C5orf58: variants seen among roughly 807,000 people sequenced by gnomAD.
C5orf58 encodes the protein chromosome 5 open reading frame 58, also known as putative uncharacterized protein C5orf58.
In C5orf58, 2 loss-of-function variants were observed where a neutral mutation model predicts 2.9. The ratio of observed to expected loss-of-function variants is 0.69; its 90% CI spans 0.28 to 2.18. C5orf58 has a LOEUF of 2.18. C5orf58 is among the 30% of genes most tolerant of loss of function. The pLI, the probability that C5orf58 is intolerant of heterozygous loss-of-function variation, is 0.13. For missense variants in C5orf58, 96 were observed against 91.7 expected (o/e 1.05, Z -0.19); for synonymous variants, 37 against 33.4 (o/e 1.11, Z -0.37).
At chr5:170,236,123 G>T (rs1346947780) in intron 3 of C5orf58, among the ~76,000 whole-genome samples, 1 of 152,092 alleles carries the variant, frequency 6.6e-6, no homozygotes, top group Non-Finnish European at 1.5e-5. Flanking sequence ...CAGCTAAGGG[G>T]ACTGGGACTG....
chr5:170,246,260 T>C (rs566719760), downstream of C5orf58: 197 of 674,174 alleles, frequency 2.9e-4, 2 homozygotes, highest in South Asian at 4.8e-3. Flanking sequence ...TGTTTAATGT[T>C]TTGAAGAATG....
chr5:170,249,018 C>T (rs1761364189), downstream of C5orf58, among the ~76,000 whole-genome samples: 1 of 152,068 alleles, frequency 6.6e-6, no homozygotes, highest in Non-Finnish European at 1.5e-5. Context: ...ATCCAACAAA[C>T]CATAGATAAA....
chr5:170,244,868 G>A (rs1761187662), intron 3 of C5orf58, among the ~76,000 whole-genome samples: 1 of 152,020 alleles, frequency 6.6e-6, no homozygotes, highest in Non-Finnish European at 1.5e-5. Context: ...GCGTTTTAGA[G>A]TTTCCAGTTT....
intron 3 of C5orf58, among the ~76,000 whole-genome samples, chr5:170,236,268 T>C (rs890743821): frequency 6.6e-6 from 1 of 152,132 alleles, no homozygotes; most frequent in Non-Finnish European, 1.5e-5. Flanking sequence ...GTGCCTAATA[T>C]GCTTTTTCCA....
chr5:170,249,172 A>C (rs1761368011), downstream of C5orf58, among the ~76,000 whole-genome samples: 1 of 151,928 alleles, frequency 6.6e-6, no homozygotes, highest in African/African-American at 2.4e-5. Flanking sequence ...AAAATAGAAA[A>C]ATATTAGCTG....
chr5:170,238,745 A>G (rs953436303), intron 3 of C5orf58, among the ~76,000 whole-genome samples: 4 of 152,342 alleles, frequency 2.6e-5, no homozygotes, highest in East Asian at 3.9e-4. Context: ...ACTGGAACCT[A>G]GAAGACAATG....
exon 3 of C5orf58, chr5:170,251,669 T>G (rs1761446464): frequency 2.2e-6 from 1 of 455,962 alleles, no homozygotes; most frequent in Non-Finnish European, 4.4e-6. Context: ...TGTCAGAACA[T>G]CTCTGCTAAA....
downstream of C5orf58, chr5:170,248,718 C>T (rs376953561): frequency 5.8e-5 from 93 of 1,611,396 alleles, no homozygotes; most frequent in Non-Finnish European, 6.8e-5. Flanking sequence ...CTGCAGCATG[C>T]GTTAATGTGC....
chr5:170,240,786 C>A (rs2113108943), intron 3 of C5orf58, among the ~76,000 whole-genome samples: 1 of 150,302 alleles, frequency 6.7e-6, no homozygotes, highest in Admixed American at 6.6e-5. Flanking sequence ...TTAATTAGAT[C>A]CCATTTGTCA....
chr5:170,238,387 G>T lies in C5orf58; in HGVS notation c.94+3317G>T, dbSNP rs112526017. Among the ~76,000 whole-genome samples the T allele has an allele frequency of 5.5e-3, 831 of 152,288 alleles. 9 individuals are homozygous for T. The highest frequency in any genetic ancestry group is 0.019 in the African/African-American group (784 of 41,582). On this transcript the variant is annotated intron_variant, in intron 3 of 3. Transcript: ENST00000593851. ...CGATAGAAGGGTTGAAAGGTAAAAT[G>T]AAGAAATTCCTCTAGAGTGTAAACA... is the stretch of plus-strand genomic sequence containing the variant.
At chr5:170,242,879 A>G (rs1201417604) in intron 3 of C5orf58, among the ~76,000 whole-genome samples, 6 of 146,888 alleles carry the variant, frequency 4.1e-5, no homozygotes, top group East Asian at 4.1e-4. Flanking sequence ...TAGGGTGTCA[A>G]TTTTGGATCT....
Position 170,235,057 on chromosome 5 carries a change from G to A in C5orf58, c.81G>A (p.Leu27=), listed in dbSNP as rs1457836923. Reference sequence around the variant, plus strand: ...ATATTAACACAATTTCTTCGGAGTTGAAGAAGATAAAAGGTAAGTATTGAA... The same window carrying A: ...ATATTAACACAATTTCTTCGGAGTTAAAGAAGATAAAAGGTAAGTATTGAA... The part of the protein sequence containing the change: ...IKNINTISSE[L]KKIKELSQLL... Residue 27 remains leucine, a synonymous_variant, in exon 3 of 4, where the codon TTG becomes TTA. Transcript: ENST00000593851. 1 of 1,476,708 alleles carries A rather than the reference G, an allele frequency of 6.8e-7. No individual in the cohort carries two copies. The highest frequency in any genetic ancestry group is 9.3e-7 in the Non-Finnish European group (1 of 1,070,834). 91.5% of individuals were successfully genotyped at this position (1,476,708 alleles called of 1,614,324 possible). A position where few individuals can be genotyped will look rare whatever the true frequency, so the allele number is the denominator to read the frequency against.
chr5:170,235,678 C>G (rs758313785), intron 3 of C5orf58, among the ~76,000 whole-genome samples: 5 of 152,170 alleles, frequency 3.3e-5, no homozygotes, highest in Non-Finnish European at 7.4e-5. Flanking sequence ...TCCTTCTCAC[C>G]AGCTAGCTGA....
downstream of C5orf58, chr5:170,247,689 G>T (rs1376865805): frequency 6.6e-6 from 1 of 152,202 alleles, no homozygotes; most frequent in East Asian, 1.9e-4. Flanking sequence ...GTTTGGGAAG[G>T]ATGAGGAGAA....
At chr5:170,233,083 G>C (rs528129030) in intron 1 of C5orf58, 76 bp downstream of exon 1, 13 of 643,236 alleles carry the variant, frequency 2.0e-5, no homozygotes, top group Non-Finnish European at 1.2e-5. Flanking sequence ...AAATTTCCAG[G>C]CTGCCCGAGG....
chr5:170,241,114 T>C (rs1277019331), intron 3 of C5orf58, among the ~76,000 whole-genome samples: 1 of 150,632 alleles, frequency 6.6e-6, no homozygotes, highest in Non-Finnish European at 1.5e-5. Flanking sequence ...CTGAGGGCTC[T>C]GTTCTGTTCC....
At chr5:170,236,912 C>G (rs1214151707) in intron 3 of C5orf58, among the ~76,000 whole-genome samples, 1 of 152,152 alleles carries the variant, frequency 6.6e-6, no homozygotes. Context: ...TATCCCTGCT[C>G]AACTGTAAGC....
At chr5:170,233,716 G>A (rs1238898197) in intron 1 of C5orf58, 1 of 174,646 alleles carries the variant, frequency 5.7e-6, no homozygotes, top group Non-Finnish European at 1.2e-5. Flanking sequence ...CTCCTTTCTG[G>A]GTAGTGGCCT....
At position 170,237,737 on chromosome 5, in the gene C5orf58, C is replaced by T. The variant is rs1427069304; in HGVS notation, c.94+2667C>T. ...AGATCCCTGAGGTCTCTTCTGCCCTCTGCATAGCTGGGCAGCTATCCCTTC... is the reference window on the plus strand; with the variant it reads ...AGATCCCTGAGGTCTCTTCTGCCCTTTGCATAGCTGGGCAGCTATCCCTTC... On this transcript the variant is annotated intron_variant, in intron 3 of 3. Coordinates refer to ENST00000593851, the MANE Select transcript of C5orf58 (RefSeq NM_001102609.3). 2.0e-5 allele frequency among the ~76,000 whole-genome samples: 3 copies of T among 152,266 alleles called. No individual in the cohort carries two copies. The East Asian group carries it at 5.8e-4, about 29-fold the overall frequency.
Sources: allele counts gnomAD v4.1 joint callset (sites outside exome capture counted in the v4.1 genomes callset), GRCh38; gene constraint gnomAD v4.1.1; transcripts MANE v1.5; gene names NCBI Gene and HGNC (gene_info 2026-07-23, HGNC 2026-07-21).